Variants in DENND2A observed in about 807,000 individuals in gnomAD.
DENND2A encodes the protein DENN domain-containing protein 2A.
Under a neutral mutation model 105.3 loss-of-function variants are expected in DENND2A, and 53 were observed. The ratio of observed to expected loss-of-function variants is 0.50; its 90% CI spans 0.40 to 0.63. DENND2A has a LOEUF of 0.63. Among genes scored for constraint, DENND2A ranks in the 30% least tolerant of loss-of-function variants. The pLI is 0.00. For synonymous variants in DENND2A, 522 were observed against 508.4 expected (o/e 1.03, Z -0.36); for missense variants, 1,138 against 1,279.6 (o/e 0.89, Z 1.69).
chr7:140,519,796 A>C (rs1312193687), intron 18 of DENND2A, 78 bp from the exon 19 acceptor site: 1 of 1,304,828 alleles, frequency 7.7e-7, no homozygotes, highest in Non-Finnish European at 1.1e-6. Context: ...TCCCTACCAG[A>C]GAAAAGAGAA....
intron 1 of DENND2A, among the ~76,000 whole-genome samples, chr7:140,620,763 T>A (rs1004279587): frequency 6.6e-6 from 1 of 152,168 alleles, no homozygotes. Context: ...TAAGTGATAC[T>A]TTATTCTCAT....
At chr7:140,624,351 A>AAACAACAACAACAACACAAC (rs1800420135) in intron 1 of DENND2A, among the ~76,000 whole-genome samples, 1 of 121,580 alleles carries the variant, frequency 8.2e-6, no homozygotes, top group Non-Finnish European at 1.8e-5. Flanking sequence ...AGGAAAGGCA[A>AAACAACAACAACAACACAAC]AACAACAACA....
chr7:140,541,080 A>G (rs1796638501), intron 14 of DENND2A, among the ~76,000 whole-genome samples: 1 of 151,974 alleles, frequency 6.6e-6, no homozygotes, highest in Non-Finnish European at 1.5e-5. Flanking sequence ...TGCCCTTTGG[A>G]GATGTGTTTG....
chr7:140,548,133 C>T lies in DENND2A; in HGVS notation c.2038-1194G>A, dbSNP rs535365034. ...AGAGATGGGAGTCTTGCTAGGTCGCCCAGGCTTGCCTTCAACTTCTGGGCT... is the reference window on the plus strand; with the variant it reads ...AGAGATGGGAGTCTTGCTAGGTCGCTCAGGCTTGCCTTCAACTTCTGGGCT... On this transcript the variant is annotated intron_variant, in intron 12 of 19. Transcript: ENST00000496613. Among the ~76,000 whole-genome samples, 4 of 151,900 alleles carry T rather than the reference C, an allele frequency of 2.6e-5. No individual in the cohort carries two copies. In the East Asian group the frequency reaches 7.7e-4, roughly 29 times the overall value.
At chr7:140,519,509 C>G in intron 19 of DENND2A, 123 bp downstream of exon 19, 1 of 758,096 alleles carries the variant, frequency 1.3e-6, no homozygotes, top group East Asian at 2.5e-5. Context: ...AGCATCTGCC[C>G]AGCGCAGGCC....
At chr7:140,633,567 T>C (rs570025438) in intron 1 of DENND2A, among the ~76,000 whole-genome samples, 3 of 152,316 alleles carry the variant, frequency 2.0e-5, no homozygotes, top group African/African-American at 4.8e-5. Flanking sequence ...TTGACCATTA[T>C]TGCATCTTCT....
intron 10 of DENND2A, among the ~76,000 whole-genome samples, chr7:140,558,922 C>T (rs867169287): frequency 2.0e-5 from 3 of 151,698 alleles, no homozygotes; most frequent in East Asian, 3.9e-4. Context: ...CCTGCCCCAG[C>T]GCCTGCCACC....
intron 1 of DENND2A, among the ~76,000 whole-genome samples, chr7:140,635,320 T>C (rs553204678): frequency 9.2e-5 from 14 of 152,266 alleles, no homozygotes; most frequent in African/African-American, 2.9e-4. Flanking sequence ...AAATATAACT[T>C]TCATAGATTA....
chr7:140,562,503 T>C (rs1242703332), intron 9 of DENND2A, among the ~76,000 whole-genome samples: 1 of 151,626 alleles, frequency 6.6e-6, no homozygotes, highest in Non-Finnish European at 1.5e-5. Flanking sequence ...CTACTAAAAA[T>C]ACAAAAAAAT....
In DENND2A at chr7:140,640,627, C is replaced by A. The variant is rs1801167467; in HGVS notation, c.-371G>T. 6.7e-6 allele frequency: 1 copy of A among 148,290 alleles called. No homozygotes were observed. The highest frequency in any genetic ancestry group is 2.4e-5 in the African/African-American group (1 of 40,996). 9.2% of individuals were successfully genotyped at this position (148,290 alleles called of 1,614,324 possible). ...CGGGTGCCGGGGACGCCATGGCCCT[C>A]CGCCCTCCGCCCCTTTGTCCGCCGA... On this transcript the variant is annotated 5_prime_UTR_variant, in exon 1 of 20. Coordinates refer to ENST00000496613, the MANE Select transcript of DENND2A (RefSeq NM_015689.5). This position sits in a 1 kb window ranked among gnomAD's most constrained non-coding sequence, Gnocchi z 4.9.
At chr7:140,565,696 C>T (rs926522042) in intron 9 of DENND2A, among the ~76,000 whole-genome samples, 1 of 152,098 alleles carries the variant, frequency 6.6e-6, no homozygotes, top group African/African-American at 2.4e-5. Context: ...CGAGTCCATC[C>T]TGAGTAGGGG....
chr7:140,525,813 GA>G, intron 15 of DENND2A, 21 bp from the exon 16 acceptor site: 1 of 1,588,322 alleles, frequency 6.3e-7, no homozygotes, highest in Non-Finnish European at 8.6e-7. Flanking sequence ...AGACGAAAGG[GA>G]CTGTTACTGT....
chr7:140,602,507 G>C lies in DENND2A; in HGVS notation c.-110C>G, dbSNP rs1799553127. 5 of 1,256,802 alleles carry C rather than the reference G, an allele frequency of 4.0e-6. No homozygotes were observed. 77.9% of individuals were successfully genotyped at this position (1,256,802 alleles called of 1,614,324 possible). On this transcript the variant is annotated 5_prime_UTR_variant, in exon 3 of 20. Transcript: ENST00000496613. Reference sequence around the variant, plus strand: ...GGAGGACTAAAGTGGATGCCTTCGAGGGTCTTTCTCAGTCCTTGGACCTTC... The same window carrying C: ...GGAGGACTAAAGTGGATGCCTTCGACGGTCTTTCTCAGTCCTTGGACCTTC...
intron 1 of DENND2A, among the ~76,000 whole-genome samples, chr7:140,624,745 C>A (rs948558791): frequency 2.0e-5 from 3 of 151,872 alleles, no homozygotes; most frequent in African/African-American, 7.3e-5. Context: ...CTTCAGAAAC[C>A]CAGAGAGATT....
At chr7:140,566,082 C>G (rs1442147191) in intron 9 of DENND2A, among the ~76,000 whole-genome samples, 4 of 152,124 alleles carry the variant, frequency 2.6e-5, no homozygotes, top group Non-Finnish European at 5.9e-5. Context: ...TCTTTCATTC[C>G]TTTACTTTTT....
At position 140,559,466 on chromosome 7, in the gene DENND2A, C is replaced by T. The variant is rs1230490689; in HGVS notation, c.1889+242G>A. The stretch of plus-strand genomic sequence containing the variant: ...TAACTTTTCCCAGGCTAAGAATTAT[C>T]TTCCGGGAGGCTTCTGAAACAAGTA... On this transcript the variant is annotated intron_variant, in intron 10 of 19. Coordinates refer to ENST00000496613, the MANE Select transcript of DENND2A (RefSeq NM_015689.5). This position sits in a 1 kb window ranked among gnomAD's most constrained non-coding sequence, Gnocchi z 4.1. Among the ~76,000 whole-genome samples, 1 of 152,190 alleles carries T rather than the reference C, an allele frequency of 6.6e-6. No individual in the cohort carries two copies. The highest frequency in any genetic ancestry group is 1.5e-5 in the Non-Finnish European group (1 of 68,026).
intron 5 of DENND2A, among the ~76,000 whole-genome samples, chr7:140,576,751 A>C (rs979811841): frequency 6.6e-6 from 1 of 152,236 alleles, no homozygotes; most frequent in African/African-American, 2.4e-5. Flanking sequence ...ATAAACTTTC[A>C]GTAGAGGAAG....
chr7:140,540,028 C>T (rs1017606822), intron 14 of DENND2A, among the ~76,000 whole-genome samples: 7 of 152,350 alleles, frequency 4.6e-5, no homozygotes, highest in South Asian at 4.1e-4. Flanking sequence ...CCAGGGCCAA[C>T]GGCTAAGGAT....
intron 1 of DENND2A, among the ~76,000 whole-genome samples, chr7:140,626,261 C>A (rs1800521906): frequency 6.6e-6 from 1 of 152,222 alleles, no homozygotes; most frequent in African/African-American, 2.4e-5. Flanking sequence ...CCCCTGCACA[C>A]CATGCATGCT....
Sources: allele counts gnomAD v4.1 joint callset (sites outside exome capture counted in the v4.1 genomes callset), GRCh38; gene constraint gnomAD v4.1.1; non-coding constraint Gnocchi (gnomAD v3.1); transcripts MANE v1.5; gene names NCBI Gene and HGNC (gene_info 2026-07-23, HGNC 2026-07-21).